Variants in CNKSR2 observed in about 807,000 individuals in gnomAD.
CNKSR2 encodes CNK homolog protein 2.
CNKSR2 carries 14 observed loss-of-function variants against 84.4 expected under a neutral mutation model. The observed-to-expected ratio is 0.17, with a 90% CI of 0.11 to 0.26. The LOEUF (loss-of-function observed/expected upper bound fraction) is 0.26, where lower values mean the gene tolerates loss of function less well. Ranked by LOEUF, CNKSR2 falls within the 10% of genes least tolerant of loss-of-function variation. The probability of loss-of-function intolerance (pLI) is 1.00; values close to 1 mark genes in which losing one functional copy is unlikely to be tolerated. For synonymous variants in CNKSR2, 275 were observed against 277.9 expected (o/e 0.99, Z 0.10); for missense variants, 485 against 771.2 (o/e 0.63, Z 4.40).
chrX:21,479,431 G>C (rs1337825697), intron 5 of CNKSR2, among the ~76,000 whole-genome samples: 2 of 111,523 alleles, frequency 1.8e-5, no homozygotes, highest in Admixed American at 9.5e-5. Flanking sequence ...TAGATACCCA[G>C]TAGTGAGATA....
chrX:21,603,076 G>T (rs1042424122), intron 18 of CNKSR2, among the ~76,000 whole-genome samples: 1 of 112,255 alleles, frequency 8.9e-6, no homozygotes, highest in Non-Finnish European at 1.9e-5. Flanking sequence ...AAGCTATATA[G>T]TTGTATTGGA....
chrX:21,395,369 C>G (rs2090107037), intron 1 of CNKSR2, among the ~76,000 whole-genome samples: 1 of 111,501 alleles, frequency 9.0e-6, no homozygotes, highest in African/African-American at 3.2e-5. Context: ...TTTGTTATTA[C>G]TACTTCTTCA....
rs955403408 is a variant in CNKSR2, at chrX:21,567,922, T to C, written c.1608+4470T>C. On this transcript the variant is annotated intron_variant, in intron 13 of 21. Coordinates refer to ENST00000379510, the MANE Select transcript of CNKSR2 (RefSeq NM_014927.5). ...TCATCTTTAAATCTTGTAGGACTTATTTTTCCCCAATATGATGTGCATATG... is the reference window on the plus strand; with the variant it reads ...TCATCTTTAAATCTTGTAGGACTTACTTTTCCCCAATATGATGTGCATATG... 7.2e-5 allele frequency among the ~76,000 whole-genome samples: 8 copies of C among 111,029 alleles called. No individual in the cohort carries two copies. In the Admixed American group the frequency reaches 7.7e-4, roughly 11 times the overall value.
At position 21,523,496 on chromosome X, in the gene CNKSR2, C is replaced by A. The variant is rs774783448; in HGVS notation, c.958-3371C>A. 2.7e-3 allele frequency among the ~76,000 whole-genome samples: 304 copies of A among 110,801 alleles called. 2 individuals carry two copies. Among genetic ancestry groups the A allele is most frequent in the African/African-American group, 9.3e-3 (285 of 30,731 alleles). On this transcript the variant is annotated intron_variant, in intron 9 of 21. Transcript: ENST00000379510. Reference sequence around the variant, plus strand: ...TACCTTTTTTCTTAAATTGAAATTTCTTTGTAGTGCAACAGTAACTACTTT... The same window carrying A: ...TACCTTTTTTCTTAAATTGAAATTTATTTGTAGTGCAACAGTAACTACTTT...
At chrX:21,476,720 A>G (rs1363518514) in intron 5 of CNKSR2, among the ~76,000 whole-genome samples, 4 of 111,801 alleles carry the variant, frequency 3.6e-5, no homozygotes, top group Non-Finnish European at 7.5e-5. Context: ...GTATAATGGA[A>G]CAGACAATAG....
chrX:21,588,546 T>C (rs1375010206), intron 13 of CNKSR2, among the ~76,000 whole-genome samples: 3 of 112,353 alleles, frequency 2.7e-5, no homozygotes, highest in Non-Finnish European at 3.8e-5. Context: ...CTTTGAATGA[T>C]GGATAAATCT....
intron 3 of CNKSR2, among the ~76,000 whole-genome samples, chrX:21,435,522 C>A (rs889812590): frequency 9.9e-5 from 11 of 111,580 alleles, no homozygotes; most frequent in Non-Finnish European, 1.9e-4. Context: ...TCCATTTTTT[C>A]TCCTATTTAA....
At chrX:21,581,345 A>G (rs993124178) in intron 13 of CNKSR2, among the ~76,000 whole-genome samples, 13 of 112,019 alleles carry the variant, frequency 1.2e-4, no homozygotes, top group Admixed American at 3.8e-4. Context: ...TCAAAGTCAT[A>G]GAGCTGGAAT....
At chrX:21,624,695 G>A (rs755579643) in intron 20 of CNKSR2, among the ~76,000 whole-genome samples, 9 of 111,251 alleles carry the variant, frequency 8.1e-5, no homozygotes, top group Admixed American at 3.8e-4. Flanking sequence ...CTGACCTCAA[G>A]TGATCCTCCC....
At chrX:21,620,949 A>G (rs2092599095) in intron 20 of CNKSR2, among the ~76,000 whole-genome samples, 3 of 111,734 alleles carry the variant, frequency 2.7e-5, no homozygotes, top group Non-Finnish European at 1.9e-5. Flanking sequence ...GGAAAGTTCA[A>G]CCTGATGGTT....
At chrX:21,399,864 A>G (rs1045806094) in intron 1 of CNKSR2, among the ~76,000 whole-genome samples, 2 of 111,863 alleles carry the variant, frequency 1.8e-5, no homozygotes, top group African/African-American at 6.5e-5. Flanking sequence ...GAATTTTGGT[A>G]TATAATAACC....
At chrX:21,618,692 A>G (rs2092588940) in intron 20 of CNKSR2, among the ~76,000 whole-genome samples, 1 of 112,005 alleles carries the variant, frequency 8.9e-6, no homozygotes, top group Admixed American at 9.5e-5. Context: ...ACATTTCAAT[A>G]TCTAGATTTA....
chrX:21,401,745 C>T (rs2090194380), intron 1 of CNKSR2, among the ~76,000 whole-genome samples: 2 of 111,546 alleles, frequency 1.8e-5, no homozygotes, highest in Non-Finnish European at 3.8e-5. Flanking sequence ...CTGGAAGGAA[C>T]AAAGAAACAG....
chrX:21,617,382 C>T (rs149845779), intron 20 of CNKSR2, among the ~76,000 whole-genome samples: 231 of 111,448 alleles, frequency 2.1e-3, no homozygotes, highest in African/African-American at 6.7e-3. Flanking sequence ...TACCAACTAC[C>T]AGAAGATGGT....
intron 1 of CNKSR2, chrX:21,421,720 T>A (rs774251858): frequency 9.0e-6 from 1 of 110,765 alleles, no homozygotes; most frequent in Admixed American, 9.6e-5. Flanking sequence ...TTTTATTAGC[T>A]TGGGATATAA....
chrX:21,568,328 G>T (rs184443736), intron 13 of CNKSR2, among the ~76,000 whole-genome samples: 165 of 111,711 alleles, frequency 1.5e-3, no homozygotes, highest in Non-Finnish European at 2.7e-3. Flanking sequence ...TTTATTTTAA[G>T]TCTACATGCT....
intron 3 of CNKSR2, among the ~76,000 whole-genome samples, chrX:21,435,479 C>T (rs1263490427): frequency 9.0e-6 from 1 of 111,409 alleles, no homozygotes; most frequent in Non-Finnish European, 1.9e-5. Context: ...CCTTACATTT[C>T]CTAAATAAGA....
At chrX:21,470,898 A>G (rs903985479) in intron 5 of CNKSR2, 91 bp downstream of exon 5, 70 of 426,962 alleles carry the variant, frequency 1.6e-4, no homozygotes, top group Middle Eastern at 4.6e-4. Flanking sequence ...AAATCTACTG[A>G]CCACATCAGT....
At chrX:21,377,994 T>C (rs964755379) in intron 1 of CNKSR2, among the ~76,000 whole-genome samples, 2 of 111,753 alleles carry the variant, frequency 1.8e-5, no homozygotes, top group Admixed American at 1.9e-4. Context: ...GTAGTAAAAA[T>C]ATAAGGAAAT....
Sources: allele counts gnomAD v4.1 joint callset (sites outside exome capture counted in the v4.1 genomes callset), GRCh38; gene constraint gnomAD v4.1.1; transcripts MANE v1.5; gene names NCBI Gene and HGNC (gene_info 2026-07-23, HGNC 2026-07-21).